The following RCOR1 variants were observed in gnomAD, a reference collection of about 807,000 sequenced individuals.
RCOR1 encodes REST corepressor.
RCOR1 carries 12 observed loss-of-function variants against 64.0 expected under a neutral mutation model. That is an observed-to-expected ratio of 0.19 (90% confidence interval 0.12 to 0.30). The LOEUF is 0.30. Among genes scored for constraint, RCOR1 ranks in the 10% least tolerant of loss-of-function variants. The pLI is 1.00. For synonymous variants in RCOR1, 279 were observed against 227.2 expected (o/e 1.23, Z -2.05); for missense variants, 502 against 621.2 (o/e 0.81, Z 2.04).
Position 102,729,627 on chromosome 14 carries a change from A to AT in RCOR1, c.*3121_*3122insT, listed in dbSNP as rs541834554. 2.6e-5 allele frequency: 10 copies of AT among 384,672 alleles called. No individual in the cohort carries two copies. The East Asian group carries it at 3.0e-4, about 11-fold the overall frequency. 23.8% of individuals were successfully genotyped at this position (384,672 alleles called of 1,614,324 possible). ...AACAGCTTACTGGGGTGGACTCATA[A>AT]AACAGTGGCTTTCTGTTCATCTAAA... On this transcript the variant is annotated 3_prime_UTR_variant, in exon 12 of 12. Coordinates refer to ENST00000262241, the MANE Select transcript of RCOR1 (RefSeq NM_015156.4).
intron 4 of RCOR1, among the ~76,000 whole-genome samples, chr14:102,703,719 C>G (rs1200219702): frequency 1.3e-5 from 2 of 152,118 alleles, no homozygotes; most frequent in African/African-American, 4.8e-5. Flanking sequence ...ATCCCATGGT[C>G]TATAAATTGG....
chr14:102,656,033 T>G (rs759050391), intron 2 of RCOR1: 9 of 985,040 alleles, frequency 9.1e-6, no homozygotes, highest in Non-Finnish European at 1.1e-5. Flanking sequence ...ATTCCAAAAT[T>G]AAGATTAAGC....
At chr14:102,641,611 AAAT>A (rs1209371504) in intron 2 of RCOR1, among the ~76,000 whole-genome samples, 1 of 151,946 alleles carries the variant, frequency 6.6e-6, no homozygotes. Context: ...ATTAAAAAAA[AAAT>A]AATAATATTT....
At chr14:102,690,195 A>G (rs1895502434) in intron 3 of RCOR1, among the ~76,000 whole-genome samples, 1 of 152,222 alleles carries the variant, frequency 6.6e-6, no homozygotes, top group Non-Finnish European at 1.5e-5. Flanking sequence ...AGCCGTACCT[A>G]TGACATACGC....
intron 3 of RCOR1, among the ~76,000 whole-genome samples, chr14:102,693,343 C>T (rs1172833323): frequency 6.6e-6 from 1 of 152,182 alleles, no homozygotes; most frequent in East Asian, 1.9e-4. Flanking sequence ...AAAGCAGCAC[C>T]AGGCACACAG....
At position 102,729,286 on chromosome 14, in the gene RCOR1, T is replaced by G. The variant is rs930793912; in HGVS notation, c.*2780T>G. 1 of 152,608 alleles carries G rather than the reference T, an allele frequency of 6.6e-6. No homozygotes were observed. The highest frequency in any genetic ancestry group is 1.5e-5 in the Non-Finnish European group (1 of 68,004). The allele number at this position is 152,608 out of a possible 1,614,324, so 9.5% of individuals were successfully genotyped here. ...TAGATGTGTGAAGTGTTAGGTAAAA[T>G]TTTTTTCACTTATCCATTTAAACAC... On this transcript the variant is annotated 3_prime_UTR_variant, in exon 12 of 12. Coordinates refer to ENST00000262241, the MANE Select transcript of RCOR1 (RefSeq NM_015156.4).
rs1248803317 is a variant in RCOR1, at chr14:102,727,536, G to T, written c.*1030G>T. The T allele has an allele frequency of 6.6e-6, 1 of 152,302 alleles. No homozygotes were observed. Among genetic ancestry groups the T allele is most frequent in the Non-Finnish European group, 1.5e-5 (1 of 68,002 alleles). The allele number at this position is 152,302 out of a possible 1,614,324, so 9.4% of individuals were successfully genotyped here. A position where few individuals can be genotyped will look rare whatever the true frequency, so the allele number is the denominator to read the frequency against. Reference sequence around the variant, plus strand: ...CAGGATATTAGAATAGCTGGCGCTGGTTTATGAAAGCTGCGCGTTGTTCCG... The same window carrying T: ...CAGGATATTAGAATAGCTGGCGCTGTTTTATGAAAGCTGCGCGTTGTTCCG... On this transcript the variant is annotated 3_prime_UTR_variant, in exon 12 of 12. Transcript: ENST00000262241.
chr14:102,613,029 A>G (rs1893664701), intron 2 of RCOR1, among the ~76,000 whole-genome samples: 1 of 150,834 alleles, frequency 6.6e-6, no homozygotes, highest in Non-Finnish European at 1.5e-5. Context: ...TTTCCAAAGG[A>G]GTATAGGTGG....
intron 2 of RCOR1, among the ~76,000 whole-genome samples, chr14:102,654,034 G>A (rs866389788): frequency 7.7e-6 from 1 of 129,534 alleles, no homozygotes. Context: ...CGCCCAGGCC[G>A]GAGTGCAGTG....
intron 1 of RCOR1, 32 bp from the exon 2 acceptor site, chr14:102,593,234 G>A: frequency 6.7e-7 from 1 of 1,490,434 alleles, no homozygotes; most frequent in East Asian, 2.9e-5. Context: ...GCCCCGCGCC[G>A]CGCTGACCGC....
chr14:102,714,632 G>A lies in RCOR1; in HGVS notation c.1053+15G>A. On this transcript the variant is annotated intron_variant, in intron 8 of 11. Transcript: ENST00000262241. ...TCAAACGACAGGTACTCATAAGCCT[G>A]GTCTTGGATGTAAAAGAATTAATTA... 2 of 1,557,894 alleles carry A rather than the reference G, an allele frequency of 1.3e-6. No homozygotes were observed. Among genetic ancestry groups the A allele is most frequent in the Non-Finnish European group, 1.7e-6 (2 of 1,147,400 alleles).
At chr14:102,631,341 T>C (rs953465334) in intron 2 of RCOR1, among the ~76,000 whole-genome samples, 3 of 151,812 alleles carry the variant, frequency 2.0e-5, no homozygotes, top group African/African-American at 7.3e-5. Flanking sequence ...TAGCTGGGAC[T>C]ACAGGCACCC....
chr14:102,679,121 T>A (rs1438763258), intron 2 of RCOR1, among the ~76,000 whole-genome samples: 1 of 152,184 alleles, frequency 6.6e-6, no homozygotes, highest in Non-Finnish European at 1.5e-5. Flanking sequence ...TAAATTTTAT[T>A]TTTAGTATAC....
intron 2 of RCOR1, among the ~76,000 whole-genome samples, chr14:102,611,358 C>G (rs1893630326): frequency 6.6e-6 from 1 of 152,182 alleles, no homozygotes; most frequent in Non-Finnish European, 1.5e-5. Context: ...CATGAGCCAC[C>G]ATGCCCGGCC....
intron 3 of RCOR1, among the ~76,000 whole-genome samples, chr14:102,686,154 T>G (rs58128745): frequency 0.052 from 7,902 of 152,104 alleles, 673 homozygotes; most frequent in African/African-American, 0.18. Context: ...ATGCTGGAGC[T>G]CAGTGGCACA....
At chr14:102,655,606 C>G in intron 2 of RCOR1, 1 of 602,000 alleles carries the variant, frequency 1.7e-6, no homozygotes, top group Non-Finnish European at 2.1e-6. Flanking sequence ...TAAATATTTC[C>G]TTCTAGCTTG....
chr14:102,693,567 A>G (rs1185240137), intron 3 of RCOR1, among the ~76,000 whole-genome samples: 3 of 151,382 alleles, frequency 2.0e-5, no homozygotes, highest in Non-Finnish European at 4.4e-5. Context: ...TGCCCCTCCC[A>G]ACTCCCTCTC....
At chr14:102,661,115 G>A (rs961675015) in intron 2 of RCOR1, among the ~76,000 whole-genome samples, 1 of 152,164 alleles carries the variant, frequency 6.6e-6, no homozygotes, top group African/African-American at 2.4e-5. Context: ...GGGAAGCTGA[G>A]GCAGGTGGAT....
chr14:102,609,954 A>G (rs1893591716), intron 2 of RCOR1, among the ~76,000 whole-genome samples: 1 of 152,136 alleles, frequency 6.6e-6, no homozygotes, highest in Admixed American at 6.5e-5. Flanking sequence ...CCTGGACAAC[A>G]TGACAACATG....
Sources: allele counts gnomAD v4.1 joint callset (sites outside exome capture counted in the v4.1 genomes callset), GRCh38; gene constraint gnomAD v4.1.1; transcripts MANE v1.5; gene names NCBI Gene and HGNC (gene_info 2026-07-23, HGNC 2026-07-21).